Variants in DISP3 observed in about 807,000 individuals in gnomAD.
DISP3 encodes the protein dispatched RND transporter family member 3.
DISP3 carries 101 observed loss-of-function variants against 135.3 expected under a neutral mutation model. That is an observed-to-expected ratio of 0.75 (90% CI 0.64 to 0.88). The LOEUF (loss-of-function observed/expected upper bound fraction) is 0.88. Ranked by LOEUF, DISP3 falls within the 40% of genes least tolerant of loss-of-function variation. The pLI, the probability that DISP3 is intolerant of heterozygous loss-of-function variation, is 0.00. For missense variants in DISP3, 1,713 were observed against 1,878.6 expected, an observed-to-expected ratio of 0.91 and a Z score of 1.63; for synonymous variants, 856 against 817.0, an observed-to-expected ratio of 1.05 and a Z score of -0.81.
rs748461338 is a variant in DISP3 at position 11,531,568 on chromosome 1, A to G, written c.3233A>G (p.Tyr1078Cys). 1 of 1,613,416 alleles carries G rather than the reference A, an allele frequency of 6.2e-7. No individual in the cohort carries two copies. ...CCTTTCTTGCCTCTCCCCGCAGGCT[A>G]CAGCATCTCCTCCTTCCTGCAGATG... ...PGGAQCLPSG[Y>C]SISSFLQMLH... Residue 1078 changes from tyrosine (Y) to cysteine (C), a missense_variant, in exon 17 of 21, where the codon TAC becomes TGC. Around this residue, in one of 2 missense-constraint regions of DISP3, gnomAD observed 1,142 missense variants for 1,384.6 expected, o/e 0.82. Transcript: ENST00000294484. The surrounding 1 kb of genome is among the most constrained non-coding windows in gnomAD (Gnocchi z 5.2).
At chr1:11,506,723 G>A (rs1641715541) in intron 3 of DISP3, among the ~76,000 whole-genome samples, 1 of 152,150 alleles carries the variant, frequency 6.6e-6, no homozygotes, top group Admixed American at 6.5e-5. Flanking sequence ...ATAACCTGCA[G>A]ATTTGTTTCT....
At chr1:11,500,496 A>C (rs779493245) in intron 1 of DISP3, among the ~76,000 whole-genome samples, 32 of 152,248 alleles carry the variant, frequency 2.1e-4, no homozygotes, top group Non-Finnish European at 2.9e-4. Flanking sequence ...GCCAGGATCC[A>C]AATCAGGGTC....
At position 11,519,455 on chromosome 1, in the gene DISP3, C is replaced by A. The variant is rs1367525468; in HGVS notation, c.1990C>A (p.Pro664Thr). ...VGGSPAQGPI[P>T]YLDDDIPLLE... ...AGGCAGCCCTGCCCAGGGCCCCATA[C>A]CCTACCTGGATGATGACATCCCCTT... Residue 664 changes from proline (P) to threonine (T), a missense_variant, in exon 8 of 21, where the codon CCC becomes ACC. This residue lies in a region of DISP3 where 1,142 missense variants were observed against 1,384.6 expected (regional missense o/e 0.82). Transcript: ENST00000294484. The surrounding 1 kb of genome is among the most constrained non-coding windows in gnomAD (Gnocchi z 4.3). The A allele has an allele frequency of 6.2e-7, 1 of 1,613,804 alleles. No individual in the cohort carries two copies. Among genetic ancestry groups the A allele is most frequent in the Non-Finnish European group, 8.5e-7 (1 of 1,180,020 alleles).
rs1642010814 is a variant in DISP3, at chr1:11,516,279, C to G, written c.1749+118C>G. 5 of 1,237,438 alleles carry G rather than the reference C, an allele frequency of 4.0e-6. No homozygotes were observed. The highest frequency in any genetic ancestry group is 5.6e-6 in the Non-Finnish European group (5 of 899,882). 76.7% of individuals were successfully genotyped at this position (1,237,438 alleles called of 1,614,324 possible). On this transcript the variant is annotated intron_variant, in intron 6 of 20. Coordinates refer to ENST00000294484, the MANE Select transcript of DISP3 (RefSeq NM_020780.2). The surrounding 1 kb of genome is among the most constrained non-coding windows in gnomAD (Gnocchi z 5.1). ...GCCATATAGCCTTCACCTCAAGGTA[C>G]TTGCCCTGGCTCTAGAGTTCATTTT...
chr1:11,525,314 T>C lies in DISP3; in HGVS notation c.2613+2T>C, dbSNP rs552594380. ...GATGGAGAGGTGCCCTCCTTCCAGG[T>C]GAGCCTGGGCTGTCGTGAAGTGAGC... On this transcript the variant is annotated splice_donor_variant, in intron 12 of 20. Coordinates refer to ENST00000294484, the MANE Select transcript of DISP3 (RefSeq NM_020780.2). LOFTEE classifies it high-confidence loss of function. 6.2e-7 allele frequency: 1 copy of C among 1,612,670 alleles called. No homozygotes were observed. Among genetic ancestry groups the C allele is most frequent in the Non-Finnish European group, 8.5e-7 (1 of 1,179,120 alleles).
At chr1:11,524,960 C>T (rs1038430786) in intron 11 of DISP3, among the ~76,000 whole-genome samples, 2 of 150,708 alleles carry the variant, frequency 1.3e-5, no homozygotes, top group African/African-American at 4.9e-5. Flanking sequence ...CCACCTCCCC[C>T]ACCATCCCTG....
chr1:11,522,815 GACCCAGCCAGA>G (rs1642270635), intron 10 of DISP3, among the ~76,000 whole-genome samples: 9 of 122,996 alleles, frequency 7.3e-5, no homozygotes, highest in South Asian at 2.7e-4. Context: ...ACCCAGCCAG[GACCCAGCCAGA>G]GCCCAGCCAG....
chr1:11,530,054 C>A (rs1344338058), intron 15 of DISP3, 95 bp downstream of exon 15: 7 of 1,499,240 alleles, frequency 4.7e-6, no homozygotes, highest in Non-Finnish European at 6.3e-6. Context: ...GCTCCTCACA[C>A]CCCCTCTTGG....
chr1:11,501,636 C>A lies in DISP3; in HGVS notation c.644C>A (p.Ala215Asp), dbSNP rs1281106347. Reference sequence around the variant, plus strand: ...ACCCCGCCCCTGGAGGATCTGGCAGCCAACCAGAGTGAAGACCCGCGAAAC... The same window carrying A: ...ACCCCGCCCCTGGAGGATCTGGCAGACAACCAGAGTGAAGACCCGCGAAAC... Reference protein sequence around the residue: ...RETPPLEDLAANQSEDPRNQR... With the variant: ...RETPPLEDLADNQSEDPRNQR... Residue 215 changes from alanine to aspartate, a missense_variant, in exon 2 of 21, where the codon GCC (alanine) becomes GAC (aspartate). Physicochemically the swap from Ala to Asp is moderately radical, Grantham distance 126. Around this residue, in one of 2 missense-constraint regions of DISP3, gnomAD observed 571 missense variants for 494.1 expected, o/e 1.16. Transcript: ENST00000294484. The surrounding 1 kb of genome is among the most constrained non-coding windows in gnomAD (Gnocchi z 4.9). 6.2e-7 allele frequency: 1 copy of A among 1,608,772 alleles called. No homozygotes were observed. Among genetic ancestry groups the A allele is most frequent in the South Asian group, 1.1e-5 (1 of 90,586 alleles).
At chr1:11,502,562 A>T in intron 2 of DISP3, 116 bp from the exon 3 acceptor site, 1 of 799,516 alleles carries the variant, frequency 1.3e-6, no homozygotes, top group Non-Finnish European at 2.0e-6. Flanking sequence ...GTTTTGGTGG[A>T]TATGGACAGG....
chr1:11,488,549 A>G (rs775895507), intron 1 of DISP3, among the ~76,000 whole-genome samples: 1 of 152,008 alleles, frequency 6.6e-6, no homozygotes, highest in Non-Finnish European at 1.5e-5. Context: ...TCAGTCTCTC[A>G]TGTCTCCACC....
Position 11,522,727 on chromosome 1 carries a change from G to GACCCAGCCAGA in DISP3, c.2363-1215_2363-1214insACCCAGCCAGA, listed in dbSNP as rs1642259184. On this transcript the variant is annotated intron_variant, in intron 10 of 20. Coordinates refer to ENST00000294484, the MANE Select transcript of DISP3 (RefSeq NM_020780.2). ...CAGGACCCAGCCAGGGCCCAGCCAG[G>GACCCAGCCAGA]GCCCAGCCAGGGCCCAGCCAGGACC... 1.5e-4 allele frequency among the ~76,000 whole-genome samples: 5 copies of GACCCAGCCAGA among 32,588 alleles called. 1 individual carries two copies. The highest frequency in any genetic ancestry group is 1.1e-3 in the East Asian group (1 of 938). The allele number at this position is 32,588 out of a possible 152,430, so 21.4% of individuals were successfully genotyped here.
intron 1 of DISP3, among the ~76,000 whole-genome samples, chr1:11,497,753 G>A (rs1641378090): frequency 1.3e-5 from 2 of 152,144 alleles, no homozygotes; most frequent in Admixed American, 6.5e-5. Flanking sequence ...GAGAACATAC[G>A]ATGCTTGGTT....
Position 11,501,838 on chromosome 1 carries a change from C to A in DISP3, c.846C>A (p.Arg282=), listed in dbSNP as rs758098837. 6.8e-6 allele frequency: 11 copies of A among 1,611,398 alleles called. No individual in the cohort carries two copies. Among genetic ancestry groups the A allele is most frequent in the Non-Finnish European group, 9.3e-6 (11 of 1,178,858 alleles). The change falls in exon 2 of 21, where the codon CGC becomes CGA. Residue 282 remains arginine, a synonymous_variant. Transcript: ENST00000294484. This position sits in a 1 kb window ranked among gnomAD's most constrained non-coding sequence, Gnocchi z 4.9. ...HWRIELIFLA[R]GDAERNIFTS... ...GCATCGAGCTCATCTTCCTGGCGCGCGGCGACGCGGAGCGCAACATTTTCA... is the reference window on the plus strand; with the variant it reads ...GCATCGAGCTCATCTTCCTGGCGCGAGGCGACGCGGAGCGCAACATTTTCA...
At position 11,501,763 on chromosome 1, in the gene DISP3, C is replaced by T. The variant is rs753320623; in HGVS notation, c.771C>T (p.Asp257=). The change falls in exon 2 of 21, where the codon GAC becomes GAT. Residue 257 remains aspartate (D), a synonymous_variant. Coordinates refer to ENST00000294484, the MANE Select transcript of DISP3 (RefSeq NM_020780.2). The surrounding 1 kb of genome is among the most constrained non-coding windows in gnomAD (Gnocchi z 4.9). ...SRARRGASRW[D]YSRAYVSANT... is the part of the protein sequence containing the mutation. ...CCCGCCGAGGCGCCTCGCGCTGGGA[C>T]TACTCGCGCGCCTATGTGAGTGCCA... is the stretch of plus-strand genomic sequence containing the variant. 2.5e-6 allele frequency: 4 copies of T among 1,593,282 alleles called. No homozygotes were observed. The highest frequency in any genetic ancestry group is 3.4e-6 in the Non-Finnish European group (4 of 1,167,910).
At chr1:11,514,282 C>T in intron 3 of DISP3, 108 bp from the exon 4 acceptor site, 1 of 1,316,938 alleles carries the variant, frequency 7.6e-7, no homozygotes, top group Non-Finnish European at 1.1e-6. Flanking sequence ...AAGGTAGAGT[C>T]ACAGGTGAAG....
intron 1 of DISP3, among the ~76,000 whole-genome samples, chr1:11,486,980 G>C (rs1255364375): frequency 2.0e-5 from 3 of 152,210 alleles, no homozygotes; most frequent in Non-Finnish European, 4.4e-5. Flanking sequence ...CACCCAGCCA[G>C]ATTATGATGA....
intron 13 of DISP3, among the ~76,000 whole-genome samples, chr1:11,528,918 G>A (rs1260570837): frequency 6.6e-6 from 1 of 152,218 alleles, no homozygotes; most frequent in Non-Finnish European, 1.5e-5. Flanking sequence ...CCACCCACTG[G>A]GTCCCTTCCA....
chr1:11,518,544 A>G (rs374810351), intron 7 of DISP3, among the ~76,000 whole-genome samples: 2 of 152,150 alleles, frequency 1.3e-5, no homozygotes, highest in East Asian at 3.9e-4. Flanking sequence ...TCTGATCTCT[A>G]CAGAGATGCA....
Sources: gnomAD v4.1 joint callset for allele counts (sites outside exome capture counted in the v4.1 genomes callset) on GRCh38, gnomAD v4.1.1 for gene constraint, gnomAD v4.1.1 regional missense constraint, Gnocchi (gnomAD v3.1) non-coding constraint, MANE v1.5 for transcripts, NCBI Gene and HGNC (gene_info 2026-07-23, HGNC 2026-07-21) for gene names.